The following ATP1A1 variants were observed in gnomAD, a reference collection of about 807,000 sequenced individuals.
The protein encoded by ATP1A1 is ATPase Na+/K+ transporting subunit alpha 1, also known as sodium/potassium-transporting ATPase subunit alpha-1.
Under a neutral mutation model 114.8 loss-of-function variants are expected in ATP1A1, and 14 were observed. That is an observed-to-expected ratio of 0.12 (90% CI 0.08 to 0.19). ATP1A1 has a LOEUF of 0.19. Among genes scored for constraint, ATP1A1 ranks in the 10% least tolerant of loss-of-function variants. The pLI is 1.00. For missense variants in ATP1A1, 524 were observed against 1,290.7 expected, an observed-to-expected ratio of 0.41 and a Z score of 9.10; for synonymous variants, 471 against 466.3, an observed-to-expected ratio of 1.01 and a Z score of -0.13.
rs1378573712 is a variant in ATP1A1 at position 116,389,476 on chromosome 1, C to T, written c.792C>T (p.Arg264=). Residue 264 remains arginine, a synonymous_variant, in exon 8 of 23, where the codon CGC becomes CGT. Transcript: ENST00000295598. The surrounding 1 kb of genome is among the most constrained non-coding windows in gnomAD (Gnocchi z 6.9). ...GTATTGTTGTCTACACTGGGGATCG[C>T]ACTGTGATGGGAAGAATTGCCACAC... is the stretch of plus-strand genomic sequence containing the variant. ...ARGIVVYTGD[R]TVMGRIATLA... 12 of 1,614,194 alleles carry T rather than the reference C, an allele frequency of 7.4e-6. No homozygotes were observed. The highest frequency in any genetic ancestry group is 2.2e-5 in the East Asian group (1 of 44,886).
chr1:116,374,598 C>T (rs1372990818), intron 1 of ATP1A1, among the ~76,000 whole-genome samples: 1 of 152,174 alleles, frequency 6.6e-6, no homozygotes, highest in Non-Finnish European at 1.5e-5. Flanking sequence ...ACTTGATTAC[C>T]CCTAGCTATT....
In ATP1A1 at chr1:116,395,429, C is replaced by T; in HGVS notation, c.1836+144C>T. ...TCTCATCTCCAAAGCTTTACTTCCA[C>T]CCAGAAAAGACCAGATAGTATTAAA... On this transcript the variant is annotated intron_variant, in intron 13 of 22. Coordinates refer to ENST00000295598, the MANE Select transcript of ATP1A1 (RefSeq NM_000701.8). The surrounding 1 kb of genome is among the most constrained non-coding windows in gnomAD (Gnocchi z 6.4). 1.1e-6 allele frequency: 1 copy of T among 930,292 alleles called. No individual in the cohort carries two copies. Among genetic ancestry groups the T allele is most frequent in the Non-Finnish European group, 1.5e-6 (1 of 665,462 alleles). The allele number at this position is 930,292 out of a possible 1,614,324, so 57.6% of individuals were successfully genotyped here. A position where few individuals can be genotyped will look rare whatever the true frequency, so the allele number is the denominator to read the frequency against.
rs946904003 is a variant in ATP1A1 at position 116,404,522 on chromosome 1, T to C, written c.*78T>C. ...CCCACCCCCTCTTTGTGTACTTCAG[T>C]CTTGGAGTTTGGAACTCTACCCTGG... On this transcript the variant is annotated 3_prime_UTR_variant, in exon 23 of 23. Transcript: ENST00000295598. This position sits in a 1 kb window ranked among gnomAD's most constrained non-coding sequence, Gnocchi z 4.8. 2 of 1,533,902 alleles carry C rather than the reference T, an allele frequency of 1.3e-6. No homozygotes were observed. Among genetic ancestry groups the C allele is most frequent in the African/African-American group, 1.4e-5 (1 of 70,240 alleles).
At position 116,397,086 on chromosome 1, in the gene ATP1A1, G is replaced by C. The variant is rs892899061; in HGVS notation, c.1973+352G>C. ...CTGATTTCATGCTGTTAACCACTGAGCTCTACTGCCTAGCACCTAGCATCT... is the reference window on the plus strand; with the variant it reads ...CTGATTTCATGCTGTTAACCACTGACCTCTACTGCCTAGCACCTAGCATCT... On this transcript the variant is annotated intron_variant, in intron 14 of 22. Coordinates refer to ENST00000295598, the MANE Select transcript of ATP1A1 (RefSeq NM_000701.8). This position sits in a 1 kb window ranked among gnomAD's most constrained non-coding sequence, Gnocchi z 4.2. 1.3e-5 allele frequency among the ~76,000 whole-genome samples: 2 copies of C among 152,150 alleles called. No individual in the cohort carries two copies. The highest frequency in any genetic ancestry group is 2.9e-5 in the Non-Finnish European group (2 of 68,028).
rs979972921 is a variant in ATP1A1 at position 116,387,624 on chromosome 1, C to G, written c.387+133C>G. Reference sequence around the variant, plus strand: ...CTCATTACTTAATGGTTATGAACAGCTGTTGCCTTCAAGGCTCATCCATTC... The same window carrying G: ...CTCATTACTTAATGGTTATGAACAGGTGTTGCCTTCAAGGCTCATCCATTC... On this transcript the variant is annotated intron_variant, in intron 4 of 22. Coordinates refer to ENST00000295598, the MANE Select transcript of ATP1A1 (RefSeq NM_000701.8). This position sits in a 1 kb window ranked among gnomAD's most constrained non-coding sequence, Gnocchi z 6.7. 6 of 1,026,196 alleles carry G rather than the reference C, an allele frequency of 5.8e-6. No homozygotes were observed. The highest frequency in any genetic ancestry group is 2.5e-5 in the Admixed American group (1 of 39,330). The allele number at this position is 1,026,196 out of a possible 1,614,324, so 63.6% of individuals were successfully genotyped here. A position where few individuals can be genotyped will look rare whatever the true frequency, so the allele number is the denominator to read the frequency against.
At chr1:116,402,260 G>T (rs7547948) in intron 21 of ATP1A1, among the ~76,000 whole-genome samples, 1 of 152,204 alleles carries the variant, frequency 6.6e-6, no homozygotes, top group South Asian at 2.1e-4. Flanking sequence ...CACAAACTCC[G>T]TTAGTTTTTT....
In ATP1A1 at chr1:116,398,747, C is replaced by T. The variant is rs1653143865; in HGVS notation, c.2251C>T (p.Leu751=). The change falls in exon 16 of 23, where the codon CTG becomes TTG. Residue 751 remains leucine, a synonymous_variant. Coordinates refer to ENST00000295598, the MANE Select transcript of ATP1A1 (RefSeq NM_000701.8). This position sits in a 1 kb window ranked among gnomAD's most constrained non-coding sequence, Gnocchi z 6.1. ...VSKQAADMIL[L]DDNFASIVTG... ...CAAGCAAGCTGCTGACATGATTCTT[C>T]TGGATGACAACTTTGCCTCAATTGT... The T allele has an allele frequency of 6.2e-7, 1 of 1,613,984 alleles. No homozygotes were observed. The highest frequency in any genetic ancestry group is 1.3e-5 in the African/African-American group (1 of 74,888).
rs750872291 is a variant in ATP1A1, at chr1:116,401,018, C to T, written c.2718+12C>T. The T allele has an allele frequency of 1.2e-5, 19 of 1,613,982 alleles. No homozygotes were observed. In the East Asian group the frequency reaches 2.0e-4, roughly 17 times the overall value. On this transcript the variant is annotated intron_variant, in intron 19 of 22. Coordinates refer to ENST00000295598, the MANE Select transcript of ATP1A1 (RefSeq NM_000701.8). This position sits in a 1 kb window ranked among gnomAD's most constrained non-coding sequence, Gnocchi z 4.7. ...ACGGGCAGCAGTGGGTGAGTGGGCA[C>T]CTCTGACCTGACCAGTGTCAGAGCT...
intron 1 of ATP1A1, chr1:116,373,727 C>A: frequency 1.1e-6 from 1 of 894,848 alleles, no homozygotes; most frequent in Non-Finnish European, 1.4e-6. Flanking sequence ...GGGAAGGGAG[C>A]GCCGAGGGGC....
rs371975466 is a variant in ATP1A1 at position 116,401,517 on chromosome 1, C to T, written c.2850-37C>T. 6.3e-7 allele frequency: 1 copy of T among 1,595,546 alleles called. No homozygotes were observed. The highest frequency in any genetic ancestry group is 8.6e-7 in the Non-Finnish European group (1 of 1,163,468). ...GCATTAGAAGATAAACCTTTATTTG[C>T]ACCTTTTAAGTTTTTTCTCCCCTAC... On this transcript the variant is annotated intron_variant, in intron 20 of 22. Transcript: ENST00000295598. The surrounding 1 kb of genome is among the most constrained non-coding windows in gnomAD (Gnocchi z 4.7).
At chr1:116,374,397 G>A (rs1463621280) in intron 1 of ATP1A1, among the ~76,000 whole-genome samples, 2 of 152,116 alleles carry the variant, frequency 1.3e-5, no homozygotes, top group African/African-American at 2.4e-5. Context: ...GGGCCTCAGG[G>A]TACAAGAAAC....
chr1:116,403,769 C>CTTGGCTTCTCCTTTCAGGCTGA (rs1653736195), intron 21 of ATP1A1, 115 bp from the exon 22 acceptor site: 2 of 869,464 alleles, frequency 2.3e-6, no homozygotes, highest in African/African-American at 3.4e-5. Flanking sequence ...TGTGACTGTA[C>CTTGGCTTCTCCTTTCAGGCTGA]TTGGCTTCTC....
At chr1:116,374,224 C>G in intron 1 of ATP1A1, 2 of 1,551,572 alleles carry the variant, frequency 1.3e-6, no homozygotes, top group Non-Finnish European at 1.7e-6. Flanking sequence ...TCTTCACTGC[C>G]CTAAGATGGC....
rs1460658196 is a variant in ATP1A1 at position 116,373,383 on chromosome 1, C to T, written c.-129C>T. 1.0e-5 allele frequency: 7 copies of T among 688,916 alleles called. No individual in the cohort carries two copies. Among genetic ancestry groups the T allele is most frequent in the Middle Eastern group, 7.8e-4 (2 of 2,554 alleles). 42.7% of individuals were successfully genotyped at this position (688,916 alleles called of 1,614,324 possible). A position where few individuals can be genotyped will look rare whatever the true frequency, so the allele number is the denominator to read the frequency against. On this transcript the variant is annotated 5_prime_UTR_variant, in exon 1 of 23. Transcript: ENST00000295598. ...CGCCGGCCGCCCTCCCACCCTCCCG[C>T]CCCGCGGCAGCCCTAGCTCCCTCCA...
At chr1:116,380,168 T>G (rs1051559900) in intron 1 of ATP1A1, among the ~76,000 whole-genome samples, 1 of 152,184 alleles carries the variant, frequency 6.6e-6, no homozygotes, top group African/African-American at 2.4e-5. Context: ...TTATTCCCAT[T>G]TTAGGAATGA....
At chr1:116,374,394 A>G (rs1221093386) in intron 1 of ATP1A1, among the ~76,000 whole-genome samples, 1 of 152,160 alleles carries the variant, frequency 6.6e-6, no homozygotes, top group African/African-American at 2.4e-5. Flanking sequence ...CCAGGGCCTC[A>G]GGGTACAAGA....
At chr1:116,402,646 G>T (rs1247173694) in intron 21 of ATP1A1, among the ~76,000 whole-genome samples, 1 of 152,156 alleles carries the variant, frequency 6.6e-6, no homozygotes, top group Non-Finnish European at 1.5e-5. Context: ...ACCCATCCAA[G>T]CTCATGTTAG....
At chr1:116,394,714 G>GA (rs767177936) in intron 12 of ATP1A1, among the ~76,000 whole-genome samples, 1 of 152,150 alleles carries the variant, frequency 6.6e-6, no homozygotes, top group Non-Finnish European at 1.5e-5. Flanking sequence ...CAGAGGTATG[G>GA]CCTTGATGTT....
At position 116,384,757 on chromosome 1, in the gene ATP1A1, TTTTC is replaced by T. The variant is rs1651969712; in HGVS notation, c.124-22_124-19del. ...TTTTTTATACTACACTGTTTAACTA[TTTTC>T]TTTGTTTCTGTTTTCCCTTAGGATG... On this transcript the variant is annotated intron_variant, in intron 2 of 22. Transcript: ENST00000295598. The surrounding 1 kb of genome is among the most constrained non-coding windows in gnomAD (Gnocchi z 5.1). 4 of 1,584,784 alleles carry T rather than the reference TTTTC, an allele frequency of 2.5e-6. No homozygotes were observed. Among genetic ancestry groups the T allele is most frequent in the African/African-American group, 1.4e-5 (1 of 73,536 alleles).
Sources: gnomAD v4.1 joint callset for allele counts (sites outside exome capture counted in the v4.1 genomes callset) on GRCh38, gnomAD v4.1.1 for gene constraint, Gnocchi (gnomAD v3.1) non-coding constraint, MANE v1.5 for transcripts, NCBI Gene and HGNC (gene_info 2026-07-23, HGNC 2026-07-21) for gene names.